Variants in XYLT1 observed in about 807,000 individuals in gnomAD.
XYLT1 encodes xylosyltransferase 1, also known as beta-D-xylosyltransferase 1.
Under a neutral mutation model 91.3 loss-of-function variants are expected in XYLT1, and 36 were observed. The ratio of observed to expected loss-of-function variants is 0.39; its 90% CI spans 0.30 to 0.52. XYLT1 has a LOEUF of 0.52. Ranked by LOEUF, XYLT1 falls within the 20% of genes least tolerant of loss-of-function variation. XYLT1 has a pLI of 0.68. For missense variants in XYLT1, 1,242 were observed against 1,284.5 expected, an observed-to-expected ratio of 0.97 and a Z score of 0.51; for synonymous variants, 588 against 532.0, an observed-to-expected ratio of 1.11 and a Z score of -1.45.
chr16:17,466,462 A>G (rs2036898591), intron 1 of XYLT1, among the ~76,000 whole-genome samples: 1 of 152,220 alleles, frequency 6.6e-6, no homozygotes, highest in African/African-American at 2.4e-5. Context: ...CAATGACGCG[A>G]TGATGTCAAA....
intron 2 of XYLT1, among the ~76,000 whole-genome samples, chr16:17,328,548 CAAAA>C (rs71373105): frequency 2.7e-3 from 138 of 51,162 alleles, no homozygotes; most frequent in African/African-American, 6.1e-3. Context: ...GACTCCTTCT[CAAAA>C]AAAAAAAAAA....
At chr16:17,301,954 G>C (rs1165936149) in intron 2 of XYLT1, among the ~76,000 whole-genome samples, 1 of 152,132 alleles carries the variant, frequency 6.6e-6, no homozygotes, top group Non-Finnish European at 1.5e-5. Flanking sequence ...GCTCATGCCT[G>C]TAATCTCAGC....
chr16:17,141,252 G>C lies in XYLT1; in HGVS notation c.1488C>G (p.Phe496Leu). 6.2e-7 allele frequency: 1 copy of C among 1,614,194 alleles called. No individual in the cohort carries two copies. Among genetic ancestry groups the C allele is most frequent in the Non-Finnish European group, 8.5e-7 (1 of 1,180,034 alleles). ...GIAVDGGSDW[F>L]LLNRRFVEYV... ...ATTCTACAAACCTCCGGTTCAGCAG[G>C]AACCAGTCCGAACCGCCATCCACGG... is the stretch of plus-strand genomic sequence containing the variant. Residue 496 changes from phenylalanine to leucine, a missense_variant, in exon 7 of 12, where the codon TTC (phenylalanine) becomes TTG (leucine). Phe to Leu is a conservative substitution (Grantham distance 22). Transcript: ENST00000261381.
chr16:17,133,298 T>TA (rs1004228888), intron 9 of XYLT1, among the ~76,000 whole-genome samples: 157 of 144,666 alleles, frequency 1.1e-3, no homozygotes, highest in South Asian at 5.7e-3. Flanking sequence ...AGACTGACGC[T>TA]AAAAAAAAAA....
intron 2 of XYLT1, among the ~76,000 whole-genome samples, chr16:17,293,411 A>G (rs1003125452): frequency 6.6e-6 from 1 of 151,740 alleles, no homozygotes; most frequent in Admixed American, 6.6e-5. Context: ...AAATAACGTG[A>G]CACTTTGGAG....
At chr16:17,379,843 A>G (rs1047637882) in intron 1 of XYLT1, among the ~76,000 whole-genome samples, 4 of 151,830 alleles carry the variant, frequency 2.6e-5, no homozygotes, top group African/African-American at 9.7e-5. Flanking sequence ...ACTTTTGAAA[A>G]TACTGGTCTT....
intron 1 of XYLT1, among the ~76,000 whole-genome samples, chr16:17,358,984 G>A (rs981797973): frequency 1.3e-5 from 2 of 152,110 alleles, no homozygotes; most frequent in African/African-American, 4.8e-5. Context: ...GTACTGTCTC[G>A]GGTCATTAAG....
intron 2 of XYLT1, among the ~76,000 whole-genome samples, chr16:17,345,843 C>T (rs1567385190): frequency 1.3e-5 from 2 of 152,320 alleles, no homozygotes; most frequent in African/African-American, 2.4e-5. Flanking sequence ...GAGAGTCTCG[C>T]TCTGTCACCC....
intron 9 of XYLT1, among the ~76,000 whole-genome samples, chr16:17,129,216 A>T (rs903804625): frequency 1.3e-5 from 2 of 152,154 alleles, no homozygotes; most frequent in Non-Finnish European, 2.9e-5. Context: ...CTGCAGCAAC[A>T]TCTAGGCAGG....
intron 2 of XYLT1, among the ~76,000 whole-genome samples, chr16:17,336,219 A>C (rs1260264558): frequency 6.6e-6 from 1 of 152,246 alleles, no homozygotes; most frequent in Admixed American, 6.5e-5. Context: ...GGACTAACAC[A>C]CTTTGGAAAT....
chr16:17,352,726 C>A (rs111965513), intron 2 of XYLT1, among the ~76,000 whole-genome samples: 4,665 of 152,306 alleles, frequency 0.031, 244 homozygotes, highest in African/African-American at 0.1. Flanking sequence ...CTCTTACAAA[C>A]ATGTTTGTCT....
At chr16:17,202,950 C>T (rs1202613463) in intron 3 of XYLT1, among the ~76,000 whole-genome samples, 5 of 152,034 alleles carry the variant, frequency 3.3e-5, no homozygotes, top group Admixed American at 1.3e-4. Context: ...CAGCCCTTGA[C>T]GTTCATTAGA....
chr16:17,461,310 G>A (rs962916927), intron 1 of XYLT1, among the ~76,000 whole-genome samples: 3 of 152,206 alleles, frequency 2.0e-5, no homozygotes, highest in African/African-American at 7.2e-5. Context: ...GTGTTCAAGA[G>A]GTCACCATGG....
chr16:17,263,080 G>A (rs2033747379), intron 2 of XYLT1, among the ~76,000 whole-genome samples: 1 of 152,086 alleles, frequency 6.6e-6, no homozygotes, highest in Non-Finnish European at 1.5e-5. Flanking sequence ...TGCCCTGATG[G>A]ACATCTTCGT....
intron 9 of XYLT1, among the ~76,000 whole-genome samples, chr16:17,130,185 A>T (rs966189838): frequency 3.3e-5 from 5 of 152,244 alleles, no homozygotes; most frequent in African/African-American, 1.2e-4. Flanking sequence ...CCACCTCCCG[A>T]CTTGCAGTTG....
At chr16:17,389,606 A>C (rs1299837927) in intron 1 of XYLT1, among the ~76,000 whole-genome samples, 6 of 152,224 alleles carry the variant, frequency 3.9e-5, no homozygotes, top group Non-Finnish European at 2.9e-5. Context: ...GATCAGCCCC[A>C]GGCCATTTTT....
At chr16:17,438,436 T>C (rs774081969) in intron 1 of XYLT1, among the ~76,000 whole-genome samples, 3 of 152,060 alleles carry the variant, frequency 2.0e-5, no homozygotes, top group Non-Finnish European at 4.4e-5. Context: ...CCAAGGTAAA[T>C]GTTAAGTGGA....
At chr16:17,291,826 A>G (rs560264221) in intron 2 of XYLT1, among the ~76,000 whole-genome samples, 32 of 152,226 alleles carry the variant, frequency 2.1e-4, no homozygotes, top group Non-Finnish European at 4.3e-4. Context: ...TCCACTGACC[A>G]AAAATTAAAC....
At chr16:17,236,957 G>C (rs1484654842) in intron 3 of XYLT1, among the ~76,000 whole-genome samples, 1 of 152,104 alleles carries the variant, frequency 6.6e-6, no homozygotes, top group East Asian at 1.9e-4. Context: ...CCTATTTTGG[G>C]GGATACAATG....
Sources: allele counts gnomAD v4.1 joint callset (sites outside exome capture counted in the v4.1 genomes callset), GRCh38; gene constraint gnomAD v4.1.1; transcripts MANE v1.5; gene names NCBI Gene and HGNC (gene_info 2026-07-23, HGNC 2026-07-21).